COL6A6: variants seen among roughly 807,000 people sequenced by gnomAD.
COL6A6 encodes collagen alpha-6(VI) chain.
COL6A6 carries 183 observed loss-of-function variants against 208.6 expected under a neutral mutation model. The ratio of observed to expected loss-of-function variants is 0.88; its 90% CI spans 0.78 to 0.99. The LOEUF is 0.99. COL6A6 is among the 50% of genes least tolerant of loss of function. The pLI is 0.00. For synonymous variants in COL6A6, 973 were observed against 1,011.8 expected (o/e 0.96, Z 0.73); for missense variants, 2,816 against 2,815.2 (o/e 1.00, Z -0.01).
intron 20 of COL6A6, among the ~76,000 whole-genome samples, chr3:130,606,214 T>A (rs1373414169): frequency 6.6e-6 from 1 of 152,210 alleles, no homozygotes; most frequent in Non-Finnish European, 1.5e-5. Flanking sequence ...GATCCTAGGT[T>A]AGACAACAAA....
At chr3:130,572,933 A>C (rs1233508448) in intron 7 of COL6A6, among the ~76,000 whole-genome samples, 1 of 147,620 alleles carries the variant, frequency 6.8e-6, no homozygotes, top group Admixed American at 6.6e-5. Context: ...AGGAACACAC[A>C]TGTGCCAAGC....
At chr3:130,530,978 T>C (rs1484117056) in intron 1 of COL6A6, among the ~76,000 whole-genome samples, 1 of 151,562 alleles carries the variant, frequency 6.6e-6, no homozygotes, top group Non-Finnish European at 1.5e-5. Context: ...ACCAATTTCT[T>C]GAAGTCTCTC....
chr3:130,523,233 C>T (rs1354720309), intron 1 of COL6A6, among the ~76,000 whole-genome samples: 2 of 152,052 alleles, frequency 1.3e-5, no homozygotes, highest in East Asian at 3.8e-4. Context: ...TGCTTCTTTC[C>T]CTTTAGAACT....
At chr3:130,533,027 G>A (rs1297846963) in intron 1 of COL6A6, among the ~76,000 whole-genome samples, 1 of 152,112 alleles carries the variant, frequency 6.6e-6, no homozygotes, top group East Asian at 1.9e-4. Flanking sequence ...CAGCTCCAAG[G>A]TTTCTTATGA....
chr3:130,605,274 C>T (rs1031072350), intron 20 of COL6A6, among the ~76,000 whole-genome samples: 4 of 152,028 alleles, frequency 2.6e-5, no homozygotes, highest in Non-Finnish European at 4.4e-5. Flanking sequence ...CTATCTTTCC[C>T]CTTTTTTATG....
At chr3:130,643,444 T>G (rs570475266) in intron 31 of COL6A6, among the ~76,000 whole-genome samples, 2 of 152,272 alleles carry the variant, frequency 1.3e-5, no homozygotes, top group South Asian at 4.1e-4. Flanking sequence ...TGACTTTGGT[T>G]TATTGTTTGT....
At chr3:130,581,500 G>A (rs1229486813) in intron 8 of COL6A6, 61 bp from the exon 9 acceptor site, 4 of 1,223,624 alleles carry the variant, frequency 3.3e-6, no homozygotes, top group Non-Finnish European at 4.6e-6. Context: ...CAGACATGGT[G>A]TCTGAGTTAA....
chr3:130,608,218 A>G (rs2064243711), intron 21 of COL6A6, among the ~76,000 whole-genome samples: 1 of 152,240 alleles, frequency 6.6e-6, no homozygotes, highest in Non-Finnish European at 1.5e-5. Context: ...AGACTTCAGC[A>G]AAAAGGAGAA....
At chr3:130,583,928 T>C (rs1293364893) in intron 10 of COL6A6, among the ~76,000 whole-genome samples, 1 of 152,180 alleles carries the variant, frequency 6.6e-6, no homozygotes, top group African/African-American at 2.4e-5. Flanking sequence ...CGGGCATCAA[T>C]ATGTGTAAAG....
chr3:130,619,847 G>A (rs1007488357), intron 23 of COL6A6, among the ~76,000 whole-genome samples: 1 of 152,116 alleles, frequency 6.6e-6, no homozygotes, highest in Admixed American at 6.5e-5. Flanking sequence ...ACTATTCCTT[G>A]ATGAAAAGAA....
At chr3:130,580,059 A>G (rs1250901130) in intron 8 of COL6A6, among the ~76,000 whole-genome samples, 1 of 152,212 alleles carries the variant, frequency 6.6e-6, no homozygotes, top group South Asian at 2.1e-4. Context: ...TCCCAAGGTC[A>G]CTTGATGTCA....
chr3:130,595,748 G>C (rs956165655), intron 18 of COL6A6, among the ~76,000 whole-genome samples: 2 of 152,150 alleles, frequency 1.3e-5, no homozygotes, highest in Non-Finnish European at 2.9e-5. Context: ...TTTATAAGTA[G>C]TGCTGCTATG....
chr3:130,581,843 A>G lies in COL6A6; in HGVS notation c.3830A>G (p.Asn1277Ser), dbSNP rs369160167. 45 of 1,613,352 alleles carry G rather than the reference A, an allele frequency of 2.8e-5. No individual in the cohort carries two copies. The African/African-American group carries it at 4.4e-4, about 16-fold the overall frequency. Residue 1277 changes from asparagine (N) to serine (S), a missense_variant, in exon 9 of 37, where the codon AAT (asparagine) becomes AGT (serine). Physicochemically the swap from Asn to Ser is conservative, Grantham distance 46. Transcript: ENST00000358511. ...DITVKGPSLL[N>S]ANLLDSLWDT... is the part of the protein sequence containing the mutation. The stretch of plus-strand genomic sequence containing the variant: ...ACAGTTAAAGGACCATCTCTTCTCA[A>G]TGCAAACCTCTTGGATTCTCTATGG...
rs753387960 is a variant in COL6A6, at chr3:130,563,326, G to A, written c.323G>A (p.Gly108Glu). 3 of 1,613,962 alleles carry A rather than the reference G, an allele frequency of 1.9e-6. No individual in the cohort carries two copies. The highest frequency in any genetic ancestry group is 4.5e-5 in the East Asian group (2 of 44,886). The change falls in exon 3 of 37, where the codon GGA becomes GAA. Residue 108 changes from glycine (G) to glutamate (E), a missense_variant. Transcript: ENST00000358511. ...TTCATTGGCGGGTCCCTGCAGATAG[G>A]AAAGGCTCTTCAGGAGGCTCACAGG... is the stretch of plus-strand genomic sequence containing the variant. The part of the protein sequence containing the change: ...FGFIGGSLQI[G>E]KALQEAHRTY...
chr3:130,529,746 A>G (rs1213265679), intron 1 of COL6A6, among the ~76,000 whole-genome samples: 2 of 152,194 alleles, frequency 1.3e-5, no homozygotes, highest in East Asian at 3.8e-4. Context: ...GAGGTTCTCT[A>G]TTAAAGCCAG....
intron 1 of COL6A6, among the ~76,000 whole-genome samples, chr3:130,549,163 GATTC>G (rs2062587882): frequency 6.6e-6 from 1 of 152,084 alleles, no homozygotes; most frequent in Non-Finnish European, 1.5e-5. Context: ...ATATTGCTAA[GATTC>G]ATTCATATTT....
At chr3:130,520,022 T>C (rs909032698) in intron 1 of COL6A6, among the ~76,000 whole-genome samples, 3 of 152,328 alleles carry the variant, frequency 2.0e-5, no homozygotes, top group African/African-American at 7.2e-5. Context: ...CCTGTCACTC[T>C]GGCATGCTGC....
intron 1 of COL6A6, among the ~76,000 whole-genome samples, chr3:130,530,755 A>G (rs1577611091): frequency 2.6e-5 from 4 of 152,178 alleles, no homozygotes; most frequent in Admixed American, 2.6e-4. Context: ...TAACATTTAA[A>G]TCAGGAGATT....
chr3:130,645,774 C>T (rs760051882), intron 32 of COL6A6, among the ~76,000 whole-genome samples: 6 of 152,196 alleles, frequency 3.9e-5, no homozygotes, highest in Non-Finnish European at 7.4e-5. Context: ...AAGTTGGCTT[C>T]ATATTTTTCA....
Sources: gnomAD v4.1 joint callset for allele counts (sites outside exome capture counted in the v4.1 genomes callset) on GRCh38, gnomAD v4.1.1 for gene constraint, MANE v1.5 for transcripts, NCBI Gene and HGNC (gene_info 2026-07-23, HGNC 2026-07-21) for gene names.